The following CNGA3 variants were observed in gnomAD, a reference collection of about 807,000 sequenced individuals.
The protein encoded by CNGA3 is cyclic nucleotide gated channel subunit alpha 3.
A neutral mutation model predicts 46.6 loss-of-function variants in CNGA3; 42 were observed. The ratio of observed to expected loss-of-function variants is 0.90; its 90% confidence interval spans 0.70 to 1.17. The LOEUF is 1.17. CNGA3 is among the 50% of genes most tolerant of loss of function. The pLI, the probability that CNGA3 is intolerant of heterozygous loss-of-function variation, is 0.00. For missense variants in CNGA3, 893 were observed against 890.7 expected, an observed-to-expected ratio of 1.00 and a Z score of -0.03; for synonymous variants, 394 against 369.4, an observed-to-expected ratio of 1.07 and a Z score of -0.76.
chr2:98,396,291 A>C lies in CNGA3; in HGVS notation c.1121A>C (p.Lys374Thr). 9 of 1,610,690 alleles carry C rather than the reference A, an allele frequency of 5.6e-6. No homozygotes were observed. The highest frequency in any genetic ancestry group is 6.8e-6 in the Non-Finnish European group (8 of 1,177,568). ...ATTGGTGAGACCCCACCCCCCGTGA[A>C]AGATGAGGAGTATCTCTTTGTGGTC... ...TTIGETPPPV[K>T]DEEYLFVVVD... is the part of the protein sequence containing the mutation. The change falls in exon 8 of 8, where the codon AAA (lysine) becomes ACA (threonine). Residue 374 changes from lysine (K) to threonine (T), a missense_variant. This residue lies in a region of CNGA3 where 548 missense variants were observed against 570.8 expected (regional missense o/e 0.96). Transcript: ENST00000272602.
rs1377555853 is a variant in CNGA3, at chr2:98,396,296, G to A, written c.1126G>A (p.Glu376Lys). 8.1e-6 allele frequency: 13 copies of A among 1,610,786 alleles called. No individual in the cohort carries two copies. The highest frequency in any genetic ancestry group is 1.0e-5 in the Non-Finnish European group (12 of 1,177,656). Residue 376 changes from glutamate to lysine, a missense_variant, in exon 8 of 8, where the codon GAG becomes AAG. By Grantham distance (56) the Glu-to-Lys change is moderately conservative. Around this residue, in one of 3 missense-constraint regions of CNGA3, gnomAD observed 548 missense variants for 570.8 expected, o/e 0.96. Coordinates refer to ENST00000272602, the MANE Select transcript of CNGA3 (RefSeq NM_001298.3). The stretch of plus-strand genomic sequence containing the variant: ...TGAGACCCCACCCCCCGTGAAAGAT[G>A]AGGAGTATCTCTTTGTGGTCGTAGA... Reference protein sequence around the residue: ...IGETPPPVKDEEYLFVVVDFL... With the variant: ...IGETPPPVKDKEYLFVVVDFL...
At chr2:98,370,393 T>A (rs1330800185) in intron 2 of CNGA3, among the ~76,000 whole-genome samples, 1 of 152,182 alleles carries the variant, frequency 6.6e-6, no homozygotes, top group Non-Finnish European at 1.5e-5. Context: ...ACTGACACAC[T>A]CTCCCATGTA....
In CNGA3 at chr2:98,391,964, C is replaced by G. The variant is rs138958917; in HGVS notation, c.667C>G (p.Arg223Gly). ...LYVLDVLVRA[R>G]TGFLEQGLMV... is the part of the protein sequence containing the mutation. ...TGTCTTGGATGTGCTTGTACGAGCT[C>G]GGACAGGTGAGTGTGCCCCAGGCCT... Residue 223 changes from arginine to glycine, a missense_variant, in exon 7 of 8, where the codon CGG (arginine) becomes GGG (glycine). Transcript: ENST00000272602. The G allele has an allele frequency of 1.2e-5, 19 of 1,613,652 alleles. No individual in the cohort carries two copies. Among genetic ancestry groups the G allele is most frequent in the Non-Finnish European group, 1.7e-6 (2 of 1,179,862 alleles).
At chr2:98,365,931 G>A (rs959276060) in intron 1 of CNGA3, among the ~76,000 whole-genome samples, 1 of 152,176 alleles carries the variant, frequency 6.6e-6, no homozygotes, top group African/African-American at 2.4e-5. Flanking sequence ...GCCCAGTTCT[G>A]TGCCCTTGGT....
intron 1 of CNGA3, among the ~76,000 whole-genome samples, chr2:98,367,633 C>T (rs544310294): frequency 8.5e-5 from 13 of 152,124 alleles, no homozygotes; most frequent in Non-Finnish European, 1.3e-4. Context: ...GTGCTTCCCC[C>T]CTAGTTCCCT....
intron 1 of CNGA3, among the ~76,000 whole-genome samples, chr2:98,353,068 T>G (rs893325500): frequency 3.5e-4 from 53 of 152,206 alleles, no homozygotes; most frequent in African/African-American, 1.2e-3. Flanking sequence ...ATTTTGTAAG[T>G]TCTATGTATT....
intron 1 of CNGA3, among the ~76,000 whole-genome samples, chr2:98,369,071 G>A (rs538542655): frequency 6.6e-6 from 1 of 152,190 alleles, no homozygotes; most frequent in Non-Finnish European, 1.5e-5. Flanking sequence ...TTCTAACTTG[G>A]TGGCTGTTGG....
At chr2:98,365,089 G>A (rs1692116349) in intron 1 of CNGA3, among the ~76,000 whole-genome samples, 4 of 151,182 alleles carry the variant, frequency 2.6e-5, no homozygotes, top group Non-Finnish European at 4.4e-5. Flanking sequence ...CCAGGCTGAA[G>A]TGCAGTGGTG....
chr2:98,389,650 G>T lies in CNGA3; in HGVS notation c.450-8G>T. 3.7e-6 allele frequency: 6 copies of T among 1,612,560 alleles called. No homozygotes were observed. Among genetic ancestry groups the T allele is most frequent in the Non-Finnish European group, 4.2e-6 (5 of 1,178,704 alleles). On this transcript the variant is annotated splice_polypyrimidine_tract_variant and splice_region_variant and intron_variant, in intron 5 of 7. Coordinates refer to ENST00000272602, the MANE Select transcript of CNGA3 (RefSeq NM_001298.3). ...CAGTGCGCTGTTTGTGTATGTGTGG[G>T]TTTCCAGGAAGAAGACGAAAAAGAA...
chr2:98,348,042 G>A (rs777301587), intron 1 of CNGA3, among the ~76,000 whole-genome samples: 16 of 152,224 alleles, frequency 1.1e-4, no homozygotes, highest in Admixed American at 6.5e-4. Flanking sequence ...AGTCCCAGTT[G>A]TAGAAAAGTC....
intron 3 of CNGA3, among the ~76,000 whole-genome samples, chr2:98,379,142 G>C (rs1692480808): frequency 1.3e-5 from 2 of 152,258 alleles, no homozygotes; most frequent in African/African-American, 4.8e-5. Context: ...CTGCGGCAGA[G>C]AGACTGGGCT....
intron 2 of CNGA3, among the ~76,000 whole-genome samples, chr2:98,374,114 A>T (rs1187658941): frequency 6.6e-6 from 1 of 152,180 alleles, no homozygotes; most frequent in East Asian, 1.9e-4. Context: ...CATGTCCCCA[A>T]AACTATCTTG....
chr2:98,367,714 C>T (rs141265062), intron 1 of CNGA3, among the ~76,000 whole-genome samples: 1,925 of 152,218 alleles, frequency 0.013, 24 homozygotes, highest in Admixed American at 0.021. Context: ...CTCTTCCTCC[C>T]CACCCCTTAT....
chr2:98,361,729 A>G lies in CNGA3; in HGVS notation c.-37-8210A>G, dbSNP rs1692037508. Among the ~76,000 whole-genome samples the G allele has an allele frequency of 6.2e-5, 8 of 128,102 alleles. No individual in the cohort carries two copies. In the South Asian group the frequency reaches 2.0e-3, roughly 32 times the overall value. The allele number at this position is 128,102 out of a possible 152,430, so 84.0% of individuals were successfully genotyped here. A position where few individuals can be genotyped will look rare whatever the true frequency, so the allele number is the denominator to read the frequency against. On this transcript the variant is annotated intron_variant, in intron 1 of 7. Coordinates refer to ENST00000272602, the MANE Select transcript of CNGA3 (RefSeq NM_001298.3). Reference sequence around the variant, plus strand: ...CTTTTTTTTTTTTTTTTTTTTTGAGACAGAGTCTTGCTCTGTCGCCCAGGC... The same window carrying G: ...CTTTTTTTTTTTTTTTTTTTTTGAGGCAGAGTCTTGCTCTGTCGCCCAGGC...
At position 98,396,997 on chromosome 2, in the gene CNGA3, C is replaced by G; in HGVS notation, c.1827C>G (p.Asp609Glu). ...AAGGACGGCAGATCCTGATGAAAGA[C>G]AACCTGATCGATGAGGAGCTGGCCA... ...EEKGRQILMK[D>E]NLIDEELARA... The change falls in exon 8 of 8, where the codon GAC becomes GAG. Residue 609 changes from aspartate to glutamate, a missense_variant. By Grantham distance (45) the Asp-to-Glu change is conservative. Around this residue, in one of 3 missense-constraint regions of CNGA3, gnomAD observed 548 missense variants for 570.8 expected, o/e 0.96. Coordinates refer to ENST00000272602, the MANE Select transcript of CNGA3 (RefSeq NM_001298.3). 3 of 1,614,022 alleles carry G rather than the reference C, an allele frequency of 1.9e-6. No individual in the cohort carries two copies. The highest frequency in any genetic ancestry group is 2.5e-6 in the Non-Finnish European group (3 of 1,179,944).
rs201637471 is a variant in CNGA3, at chr2:98,396,946, C to T, written c.1776C>T (p.Pro592=). 2.6e-4 allele frequency: 423 copies of T among 1,614,110 alleles called. 1 individual carries two copies. Among genetic ancestry groups the T allele is most frequent in the Middle Eastern group, 6.6e-4 (4 of 6,062 alleles). Reference sequence around the variant, plus strand: ...TCATGGAGGCCCTCACCGAGTACCCCGAAGCCAAGAAGGCCCTGGAGGAGA... The same window carrying T: ...TCATGGAGGCCCTCACCGAGTACCCTGAAGCCAAGAAGGCCCTGGAGGAGA... The part of the protein sequence containing the change: ...DDLMEALTEY[P]EAKKALEEKG... Residue 592 remains proline, a synonymous_variant, in exon 8 of 8, where the codon CCC becomes CCT. Transcript: ENST00000272602.
chr2:98,395,417 G>A (rs779175299), intron 7 of CNGA3, among the ~76,000 whole-genome samples: 4 of 152,110 alleles, frequency 2.6e-5, no homozygotes, highest in Non-Finnish European at 4.4e-5. Context: ...TGATCCACCC[G>A]CCTCGGCCTC....
chr2:98,359,464 T>C (rs1203994909), intron 1 of CNGA3, among the ~76,000 whole-genome samples: 1 of 152,174 alleles, frequency 6.6e-6, no homozygotes, highest in African/African-American at 2.4e-5. Context: ...GGACCAGAAA[T>C]GACCATTACA....
intron 1 of CNGA3, among the ~76,000 whole-genome samples, chr2:98,346,759 T>G (rs1409950809): frequency 2.0e-5 from 3 of 151,696 alleles, no homozygotes; most frequent in African/African-American, 7.3e-5. Context: ...CGGCTCCCAC[T>G]CCCCGGCTCC....
Sources: gnomAD v4.1 joint callset for allele counts (sites outside exome capture counted in the v4.1 genomes callset) on GRCh38, gnomAD v4.1.1 for gene constraint, gnomAD v4.1.1 regional missense constraint, MANE v1.5 for transcripts, NCBI Gene and HGNC (gene_info 2026-07-23, HGNC 2026-07-21) for gene names.